PYY: variants seen among roughly 807,000 people sequenced by gnomAD.
PYY encodes the protein peptide tyrosine tyrosine.
In PYY, 12 loss-of-function variants were observed where a neutral mutation model predicts 10.3. The ratio of observed to expected loss-of-function variants is 1.17; its 90% CI spans 0.75 to 1.89. The LOEUF is 1.89. PYY is among the 40% of genes most tolerant of loss of function. The pLI, the probability that PYY is intolerant of heterozygous loss-of-function variation, is 0.00. For missense variants in PYY, 141 were observed against 134.0 expected (o/e 1.05, Z -0.26); for synonymous variants, 66 against 62.0 (o/e 1.06, Z -0.30).
chr17:43,958,622 C>T (rs917981163), upstream of PYY, among the ~76,000 whole-genome samples: 1 of 152,190 alleles, frequency 6.6e-6, no homozygotes, highest in South Asian at 2.1e-4. Context: ...TCAAGTGATC[C>T]GCCTGCCTTG....
chr17:44,003,032 T>C (rs1181098868), intron 1 of PYY, among the ~76,000 whole-genome samples: 4 of 152,078 alleles, frequency 2.6e-5, no homozygotes, highest in Non-Finnish European at 4.4e-5. Context: ...TAATTTTGAT[T>C]TTAATTTTAA....
intron 1 of PYY, among the ~76,000 whole-genome samples, chr17:44,001,259 C>T (rs1453338593): frequency 6.6e-6 from 1 of 152,114 alleles, no homozygotes; most frequent in Non-Finnish European, 1.5e-5. Flanking sequence ...CTACTGTGCT[C>T]GGGGCCCAGG....
chr17:43,979,471 T>A (rs1451401967), intron 1 of PYY, among the ~76,000 whole-genome samples: 1 of 151,670 alleles, frequency 6.6e-6, no homozygotes, highest in Non-Finnish European at 1.5e-5. Context: ...GGGAAAAAAA[T>A]TTAAAGGACT....
intron 1 of PYY, among the ~76,000 whole-genome samples, chr17:43,994,516 A>C (rs2048978185): frequency 6.6e-6 from 1 of 152,110 alleles, no homozygotes; most frequent in Admixed American, 6.6e-5. Flanking sequence ...GGATCCCCAG[A>C]GTGGGAGCAA....
At position 43,975,745 on chromosome 17, in the gene PYY, T is replaced by TAC. The variant is rs1248065114; in HGVS notation, c.-462-9215_-462-9214dup. Among the ~76,000 whole-genome samples the TAC allele has an allele frequency of 1.2e-3, 129 of 105,880 alleles. 38 individuals carry two copies. Among genetic ancestry groups the TAC allele is most frequent in the Non-Finnish European group, 1.6e-3 (96 of 58,994 alleles). 69.5% of individuals were successfully genotyped at this position (105,880 alleles called of 152,430 possible). A position where few individuals can be genotyped will look rare whatever the true frequency, so the allele number is the denominator to read the frequency against. On this transcript the variant is annotated intron_variant, in intron 1 of 6. Transcript: ENST00000360085. ...AAAAAAATATATATATATATATATA[T>TAC]ACACACACACACACATATATATATA...
intron 1 of PYY, among the ~76,000 whole-genome samples, chr17:43,978,583 C>T (rs2048863957): frequency 1.3e-5 from 2 of 152,152 alleles, no homozygotes; most frequent in Non-Finnish European, 2.9e-5. Flanking sequence ...GCCTCTCTCC[C>T]AGATCATATC....
upstream of PYY, among the ~76,000 whole-genome samples, chr17:43,955,134 C>A (rs1269284494): frequency 6.6e-6 from 1 of 152,214 alleles, no homozygotes; most frequent in East Asian, 1.9e-4. Context: ...GGCCCACACC[C>A]ACTCTGAGAG....
rs572515106 is a variant in PYY at position 43,964,611 on chromosome 17, A to G, written c.-218+1677T>C. On this transcript the variant is annotated intron_variant, in intron 2 of 6. Coordinates refer to the PYY transcript ENST00000360085. ...ACTAAAAATACAAAATTAGCCAGGC[A>G]TGGTGGCGCATGCCTGTAATCCCAG... Among the ~76,000 whole-genome samples, 189 of 152,304 alleles carry G rather than the reference A, an allele frequency of 1.2e-3. 1 individual carries two copies. The highest frequency in any genetic ancestry group is 1.8e-3 in the Admixed American group (27 of 15,292).
At chr17:43,996,844 C>T (rs992885085) in intron 1 of PYY, among the ~76,000 whole-genome samples, 2 of 152,028 alleles carry the variant, frequency 1.3e-5, no homozygotes, top group Non-Finnish European at 2.9e-5. Flanking sequence ...CACACCACCA[C>T]GCCCAGCTAA....
At chr17:43,967,826 C>T (rs2048764783) in intron 1 of PYY, among the ~76,000 whole-genome samples, 2 of 152,126 alleles carry the variant, frequency 1.3e-5, no homozygotes, top group Non-Finnish European at 2.9e-5. Context: ...CATTTTTCCT[C>T]TGATATTCCC....
Position 43,987,343 on chromosome 17 carries a change from C to G in PYY, c.-463+17048G>C, listed in dbSNP as rs574175418. 6.6e-6 allele frequency among the ~76,000 whole-genome samples: 1 copy of G among 152,280 alleles called. No individual in the cohort carries two copies. The highest frequency in any genetic ancestry group is 1.9e-4 in the East Asian group (1 of 5,170). On this transcript the variant is annotated intron_variant, in intron 1 of 6. Transcript: ENST00000360085. This position sits in a 1 kb window ranked among gnomAD's most constrained non-coding sequence, Gnocchi z 4.0. ...ACTGAGCTTCATCAGAAGCAGCTGC[C>G]TCCAGGACTCTAGCCCTGTCTCCCC...
At chr17:43,967,561 G>A (rs893890915) in intron 1 of PYY, among the ~76,000 whole-genome samples, 12 of 152,096 alleles carry the variant, frequency 7.9e-5, no homozygotes, top group African/African-American at 2.7e-4. Flanking sequence ...ACCTCTAAGG[G>A]CCTCAGTTTT....
At position 43,953,170 on chromosome 17, in the gene PYY, G is replaced by A. The variant is rs1188192669; in HGVS notation, c.208C>T (p.Pro70Ser). The A allele has an allele frequency of 6.8e-6, 11 of 1,613,934 alleles. No homozygotes were observed. Among genetic ancestry groups the A allele is most frequent in the Non-Finnish European group, 9.3e-6 (11 of 1,179,854 alleles). The change falls in exon 3 of 4, where the codon CCG becomes TCG. Residue 70 changes from proline to serine, a missense_variant. Physicochemically the swap from Pro to Ser is moderately conservative, Grantham distance 74 (BLOSUM62 -1). Transcript: ENST00000692052. The part of the protein sequence containing the change: ...TRQRYGKRDG[P>S]DTLLSKTFFP... ...AACGTTTTGGAAAGAAGCGTGTCCG[G>A]GCCGTCTCTTTTCCCATACCTGGGG... is the stretch of plus-strand genomic sequence containing the variant.
chr17:43,963,570 A>AAAAAGAAAGAAAGAAAGAAAGAAAG (rs1404696451), intron 2 of PYY, among the ~76,000 whole-genome samples: 3 of 104,648 alleles, frequency 2.9e-5, no homozygotes, highest in African/African-American at 1.1e-4. Context: ...GGAAGGAAGG[A>AAAAAGAAAGAAAGAAAGAAAGAAAG]AAAGAAAGAA....
At position 43,953,496 on chromosome 17, in the gene PYY, C is replaced by T. The variant is rs1567924751; in HGVS notation, c.1-13G>A. 2 of 1,577,394 alleles carry T rather than the reference C, an allele frequency of 1.3e-6. No homozygotes were observed. The highest frequency in any genetic ancestry group is 8.6e-7 in the Non-Finnish European group (1 of 1,159,708). Reference sequence around the variant, plus strand: ...GCACGAACACCATCTGGGAAGGCGACATTGGGACGTGGGTCATTCCAAGCC... The same window carrying T: ...GCACGAACACCATCTGGGAAGGCGATATTGGGACGTGGGTCATTCCAAGCC... On this transcript the variant is annotated splice_polypyrimidine_tract_variant and intron_variant, in intron 1 of 3. Transcript: ENST00000692052.
chr17:43,983,996 G>C (rs1485746355), intron 1 of PYY, among the ~76,000 whole-genome samples: 1 of 152,204 alleles, frequency 6.6e-6, no homozygotes, highest in East Asian at 1.9e-4. Flanking sequence ...CAAACACCGC[G>C]CCCGGATCCG....
intron 2 of PYY, among the ~76,000 whole-genome samples, chr17:43,966,036 G>A (rs565676527): frequency 1.1e-4 from 17 of 151,906 alleles, no homozygotes; most frequent in East Asian, 7.7e-4. Context: ...CTCCTCTGCC[G>A]AGTTCCCTAT....
At chr17:43,996,446 T>A (rs2048992769) in intron 1 of PYY, among the ~76,000 whole-genome samples, 1 of 152,100 alleles carries the variant, frequency 6.6e-6, no homozygotes, top group Admixed American at 6.6e-5. Flanking sequence ...AAATGGTTCT[T>A]TCAAGCCATG....
In PYY at chr17:43,953,469, G is replaced by A; in HGVS notation, c.15C>T (p.Arg5=). 1 of 1,601,964 alleles carries A rather than the reference G, an allele frequency of 6.2e-7. No individual in the cohort carries two copies. Among genetic ancestry groups the A allele is most frequent in the South Asian group, 1.1e-5 (1 of 90,068 alleles). ...CTGTGGTCAAGGCGGGCCACGGCCTGCGCACGAACACCATCTGGGAAGGCG... is the reference window on the plus strand; with the variant it reads ...CTGTGGTCAAGGCGGGCCACGGCCTACGCACGAACACCATCTGGGAAGGCG... MVFV[R]RPWPALTTVL... Residue 5 remains arginine, a synonymous_variant, in exon 2 of 4, where the codon CGC becomes CGT. Transcript: ENST00000692052.
Sources: allele counts gnomAD v4.1 joint callset (sites outside exome capture counted in the v4.1 genomes callset), GRCh38; gene constraint gnomAD v4.1.1; non-coding constraint Gnocchi (gnomAD v3.1); transcripts MANE v1.5; gene names NCBI Gene and HGNC (gene_info 2026-07-23, HGNC 2026-07-21).